CFH: variants seen among roughly 807,000 people sequenced by gnomAD.
The protein encoded by CFH is complement factor H, also known as H factor 1 (complement).
CFH carries 53 observed loss-of-function variants against 147.3 expected under a neutral mutation model. The observed-to-expected ratio is 0.36, with a 90% CI of 0.29 to 0.45. The LOEUF (loss-of-function observed/expected upper bound fraction) is 0.45. CFH is among the 20% of genes least tolerant of loss of function. CFH has a pLI of 1.00. For missense variants in CFH, 1,380 were observed against 1,498.0 expected, an observed-to-expected ratio of 0.92 and a Z score of 1.30; for synonymous variants, 536 against 489.4, an observed-to-expected ratio of 1.10 and a Z score of -1.26.
chr1:196,690,572 G>T (rs924150227), intron 9 of CFH, among the ~76,000 whole-genome samples: 1 of 152,068 alleles, frequency 6.6e-6, no homozygotes, highest in African/African-American at 2.4e-5. Context: ...ACACCAAGAA[G>T]ATTAAGGACG....
At chr1:196,653,322 T>G (rs1024182632) in intron 1 of CFH, among the ~76,000 whole-genome samples, 2 of 151,830 alleles carry the variant, frequency 1.3e-5, no homozygotes, top group African/African-American at 4.8e-5. Context: ...AGAAAACAAT[T>G]ATTTCCTTGT....
rs535425778 is a variant in CFH, at chr1:196,707,311, G to A, written c.1337-6424G>A. Among the ~76,000 whole-genome samples the A allele has an allele frequency of 4.6e-5, 7 of 152,228 alleles. No individual in the cohort carries two copies. In the South Asian group the frequency reaches 6.2e-4, roughly 14 times the overall value. Reference sequence around the variant, plus strand: ...ATTTTACATGGGAGATCATTCTTCCGTTACCTTCTCAGACTAAGGAATGCC... The same window carrying A: ...ATTTTACATGGGAGATCATTCTTCCATTACCTTCTCAGACTAAGGAATGCC... On this transcript the variant is annotated intron_variant, in intron 9 of 21. Transcript: ENST00000367429.
chr1:196,690,817 GC>G (rs992801626), intron 9 of CFH, among the ~76,000 whole-genome samples: 4 of 152,160 alleles, frequency 2.6e-5, no homozygotes, highest in African/African-American at 9.6e-5. Flanking sequence ...GAAGCTGGCC[GC>G]CCCACCCTAA....
intron 1 of CFH, among the ~76,000 whole-genome samples, chr1:196,669,381 A>T (rs1667200846): frequency 6.6e-6 from 1 of 152,118 alleles, no homozygotes; most frequent in Admixed American, 6.5e-5. Flanking sequence ...TCTCCAGGGA[A>T]TGTTAGTGAT....
At chr1:196,712,031 C>T (rs542000455) in intron 9 of CFH, among the ~76,000 whole-genome samples, 3 of 152,230 alleles carry the variant, frequency 2.0e-5, no homozygotes, top group African/African-American at 7.2e-5. Flanking sequence ...GCAAGTGTGG[C>T]ACTTTCTGCT....
Position 196,726,534 on chromosome 1 carries a change from A to G in CFH, c.1938A>G (p.Lys646=), listed in dbSNP as rs1304489769. Reference sequence around the variant, plus strand: ...ATGGGAATGTTAAGGAAAAAACGAAAGAAGAATATGGACACAGTGAAGTGG... The same window carrying G: ...ATGGGAATGTTAAGGAAAAAACGAAGGAAGAATATGGACACAGTGAAGTGG... ...LLNGNVKEKT[K]EEYGHSEVVE... Residue 646 remains lysine, a synonymous_variant, in exon 13 of 22, where the codon AAA becomes AAG. Coordinates refer to ENST00000367429, the MANE Select transcript of CFH (RefSeq NM_000186.4). 5 of 1,613,072 alleles carry G rather than the reference A, an allele frequency of 3.1e-6. No individual in the cohort carries two copies. The highest frequency in any genetic ancestry group is 4.2e-6 in the Non-Finnish European group (5 of 1,179,302).
At chr1:196,702,006 C>T (rs1476813346) in intron 9 of CFH, among the ~76,000 whole-genome samples, 1 of 152,000 alleles carries the variant, frequency 6.6e-6, no homozygotes, top group East Asian at 1.9e-4. Context: ...ATGAAATACC[C>T]TATGTATAAT....
chr1:196,720,152 A>G (rs1668965625), intron 11 of CFH, among the ~76,000 whole-genome samples: 1 of 151,884 alleles, frequency 6.6e-6, no homozygotes. Flanking sequence ...AAATAAAGTT[A>G]TCATTGACTC....
At position 196,743,523 on chromosome 1, in the gene CFH, T is replaced by A. The variant is rs1291043105; in HGVS notation, c.3205T>A (p.Ser1069Thr). Residue 1069 changes from serine (S) to threonine (T), a missense_variant, in exon 20 of 22, where the codon TCT becomes ACT. Ser to Thr is a moderately conservative substitution (Grantham distance 58). Coordinates refer to ENST00000367429, the MANE Select transcript of CFH (RefSeq NM_000186.4). ...GTCGAGACAGATGAGTAAATATCCA[T>A]CTGGTGAGAGAGTACGTTATCAATG... ...IVSRQMSKYP[S>T]GERVRYQCRS... 5.6e-6 allele frequency: 9 copies of A among 1,613,944 alleles called. No homozygotes were observed. The highest frequency in any genetic ancestry group is 7.6e-6 in the Non-Finnish European group (9 of 1,179,946).
chr1:196,672,840 T>A, intron 1 of CFH, 138 bp from the exon 2 acceptor site: 1 of 649,548 alleles, frequency 1.5e-6, no homozygotes, highest in Non-Finnish European at 2.7e-6. Flanking sequence ...AGATATGGGG[T>A]TAGGAGAGAG....
chr1:196,728,057 A>C (rs1260660709), intron 14 of CFH, among the ~76,000 whole-genome samples: 3 of 152,106 alleles, frequency 2.0e-5, no homozygotes, highest in African/African-American at 7.2e-5. Flanking sequence ...CTAATGTCCA[A>C]TCATACTTAT....
chr1:196,742,076 T>C (rs1652826505), intron 19 of CFH, 25 bp downstream of exon 19: 1 of 1,611,554 alleles, frequency 6.2e-7, no homozygotes. Flanking sequence ...TTTCAAAATT[T>C]ATTTATATAA....
intron 1 of CFH, among the ~76,000 whole-genome samples, chr1:196,664,895 G>A (rs974667128): frequency 8.6e-5 from 13 of 151,874 alleles, no homozygotes; most frequent in Non-Finnish European, 1.8e-4. Flanking sequence ...ACTTACGTAT[G>A]AGTACTTTTA....
intron 15 of CFH, among the ~76,000 whole-genome samples, chr1:196,732,149 TGGATC>T (rs1669295014): frequency 6.6e-6 from 1 of 152,064 alleles, no homozygotes; most frequent in African/African-American, 2.4e-5. Context: ...GTATTCCATC[TGGATC>T]TTAAGCTATC....
chr1:196,720,669 A>G (rs1231320342), intron 11 of CFH, among the ~76,000 whole-genome samples: 2 of 151,514 alleles, frequency 1.3e-5, no homozygotes, highest in Non-Finnish European at 3.0e-5. Flanking sequence ...ATTCTATGGC[A>G]TATATCTATA....
intron 9 of CFH, chr1:196,701,302 C>T (rs777183307): frequency 1.2e-6 from 2 of 1,613,768 alleles, no homozygotes; most frequent in South Asian, 1.1e-5. Flanking sequence ...ATCATCTGCT[C>T]TTCAATCTTT....
chr1:196,712,443 T>G (rs1462206988), intron 9 of CFH, among the ~76,000 whole-genome samples: 1 of 151,564 alleles, frequency 6.6e-6, no homozygotes, highest in Non-Finnish European at 1.5e-5. Context: ...CTGAGGATTG[T>G]TCGAGTGTCA....
intron 11 of CFH, among the ~76,000 whole-genome samples, chr1:196,722,305 A>G (rs962029156): frequency 6.6e-6 from 1 of 152,104 alleles, no homozygotes; most frequent in Non-Finnish European, 1.5e-5. Context: ...GACTTTATAT[A>G]TTCTTCATTT....
chr1:196,656,506 T>C (rs1049956806), intron 1 of CFH, among the ~76,000 whole-genome samples: 4 of 152,090 alleles, frequency 2.6e-5, no homozygotes, highest in Non-Finnish European at 5.9e-5. Flanking sequence ...TCTTCTCTTA[T>C]ATTTTCTAGT....
Sources: gnomAD v4.1 joint callset for allele counts (sites outside exome capture counted in the v4.1 genomes callset) on GRCh38, gnomAD v4.1.1 for gene constraint, MANE v1.5 for transcripts, NCBI Gene and HGNC (gene_info 2026-07-23, HGNC 2026-07-21) for gene names.